Variants in LYPD6 observed in about 807,000 individuals in gnomAD.
The protein encoded by LYPD6 is LY6/PLAUR domain containing 6.
Under a neutral mutation model 22.7 loss-of-function variants are expected in LYPD6, and 15 were observed. The ratio of observed to expected loss-of-function variants is 0.66; its 90% CI spans 0.44 to 1.02. The LOEUF (loss-of-function observed/expected upper bound fraction) is 1.02, where lower values mean the gene tolerates loss of function less well. Ranked by LOEUF, LYPD6 falls within the 50% of genes least tolerant of loss-of-function variation. LYPD6 has a pLI of 0.00. For missense variants in LYPD6, 189 were observed against 208.4 expected (o/e 0.91, Z 0.57); for synonymous variants, 72 against 77.5 (o/e 0.93, Z 0.37).
chr2:149,485,513 C>A, the LYPD6 span, among the ~76,000 whole-genome samples: 1 of 152,172 alleles, frequency 6.6e-6, no homozygotes, highest in Non-Finnish European at 1.5e-5. Context: ...GCTTTCCTCT[C>A]TACCTGTGAG....
intron 1 of LYPD6, among the ~76,000 whole-genome samples, chr2:149,346,352 A>C (rs1681255678): frequency 1.3e-5 from 2 of 152,188 alleles, no homozygotes; most frequent in South Asian, 4.1e-4. Flanking sequence ...TTGGTTCTGT[A>C]CTGCAGCAGC....
chr2:149,396,903 A>G lies in LYPD6; in HGVS notation c.-71-40735A>G, dbSNP rs533086694. Among the ~76,000 whole-genome samples, 2 of 152,254 alleles carry G rather than the reference A, an allele frequency of 1.3e-5. 1 individual carries two copies. The highest frequency in any genetic ancestry group is 4.2e-4 in the South Asian group (2 of 4,818). On this transcript the variant is annotated intron_variant, in intron 1 of 4. Transcript: ENST00000334166. Reference sequence around the variant, plus strand: ...GTTCCAGGACACCCTCTGCCCTCCCATACCAAAATCCACAAGTGCTCAAGT... The same window carrying G: ...GTTCCAGGACACCCTCTGCCCTCCCGTACCAAAATCCACAAGTGCTCAAGT...
At chr2:149,428,408 G>A (rs1378288240) in intron 1 of LYPD6, among the ~76,000 whole-genome samples, 2 of 152,182 alleles carry the variant, frequency 1.3e-5, no homozygotes, top group African/African-American at 4.8e-5. Context: ...GTTGAACACA[G>A]TTGGGGCTTT....
intron 1 of LYPD6, among the ~76,000 whole-genome samples, chr2:149,406,152 A>T (rs1442558452): frequency 6.7e-6 from 1 of 149,536 alleles, no homozygotes; most frequent in Non-Finnish European, 1.5e-5. Context: ...CTTTACTTCC[A>T]AGTATGTGGT....
chr2:149,458,537 TA>T (rs943351724), intron 3 of LYPD6, among the ~76,000 whole-genome samples: 3 of 151,748 alleles, frequency 2.0e-5, no homozygotes, highest in African/African-American at 4.8e-5. Flanking sequence ...CAGGCTTCAA[TA>T]AAAAAAACCA....
At chr2:149,364,407 A>G (rs968702121) in intron 1 of LYPD6, among the ~76,000 whole-genome samples, 8 of 152,156 alleles carry the variant, frequency 5.3e-5, no homozygotes, top group Admixed American at 4.6e-4. Flanking sequence ...TTCATTGGCA[A>G]ATTCTCAACT....
chr2:149,343,136 G>C (rs748692168), intron 1 of LYPD6, among the ~76,000 whole-genome samples: 1 of 152,140 alleles, frequency 6.6e-6, no homozygotes, highest in Non-Finnish European at 1.5e-5. Context: ...TCTACAAGAC[G>C]TCTTGTAGAG....
intron 1 of LYPD6, among the ~76,000 whole-genome samples, chr2:149,400,256 T>G (rs1345453816): frequency 6.6e-6 from 1 of 152,230 alleles, no homozygotes; most frequent in African/African-American, 2.4e-5. Flanking sequence ...ACCCAGCTCT[T>G]ACCATTCTTA....
At chr2:149,390,892 A>G (rs1350370829) in intron 1 of LYPD6, among the ~76,000 whole-genome samples, 2 of 152,244 alleles carry the variant, frequency 1.3e-5, no homozygotes, top group Non-Finnish European at 2.9e-5. Context: ...TTGAGAACAT[A>G]TGCTGGATTG....
chr2:149,474,874 T>C (rs1287793074), downstream of LYPD6, among the ~76,000 whole-genome samples: 1 of 152,128 alleles, frequency 6.6e-6, no homozygotes, highest in Non-Finnish European at 1.5e-5. Flanking sequence ...ATGCAAGCAA[T>C]TCTCCTGCCT....
intron 1 of LYPD6, among the ~76,000 whole-genome samples, chr2:149,359,494 A>G (rs988971297): frequency 6.6e-6 from 1 of 152,246 alleles, no homozygotes; most frequent in African/African-American, 2.4e-5. Context: ...TATTAGACAC[A>G]TATAAACATT....
chr2:149,392,338 C>T (rs1188495696), intron 1 of LYPD6, among the ~76,000 whole-genome samples: 2 of 152,116 alleles, frequency 1.3e-5, no homozygotes, highest in Non-Finnish European at 2.9e-5. Flanking sequence ...GGAGGAAGAT[C>T]GCACTCCAGG....
At chr2:149,368,741 G>T (rs753279084) in intron 1 of LYPD6, among the ~76,000 whole-genome samples, 1 of 151,888 alleles carries the variant, frequency 6.6e-6, no homozygotes, top group Non-Finnish European at 1.5e-5. Context: ...AGGGAGAGGG[G>T]GTCTAAAATA....
chr2:149,465,063 C>T (rs1488737136), intron 3 of LYPD6, among the ~76,000 whole-genome samples: 2 of 152,276 alleles, frequency 1.3e-5, no homozygotes, highest in East Asian at 3.9e-4. Flanking sequence ...AGACTGAACA[C>T]ATGGCATGAG....
chr2:149,401,875 C>T (rs1193602668), intron 1 of LYPD6, among the ~76,000 whole-genome samples: 1 of 152,006 alleles, frequency 6.6e-6, no homozygotes, highest in Non-Finnish European at 1.5e-5. Flanking sequence ...CCACCCCTTC[C>T]CCCGAATCCC....
At chr2:149,427,763 C>T (rs1157342208) in intron 1 of LYPD6, among the ~76,000 whole-genome samples, 1 of 152,200 alleles carries the variant, frequency 6.6e-6, no homozygotes. Flanking sequence ...TATAAGTACA[C>T]TCTATGATGT....
intron 3 of LYPD6, among the ~76,000 whole-genome samples, chr2:149,464,963 G>T (rs918187032): frequency 6.6e-6 from 1 of 152,092 alleles, no homozygotes; most frequent in Non-Finnish European, 1.5e-5. Context: ...GAGATAATGC[G>T]TTGGGTTGAG....
intron 1 of LYPD6, among the ~76,000 whole-genome samples, chr2:149,331,459 C>A (rs564401904): frequency 3.3e-4 from 51 of 152,342 alleles, no homozygotes; most frequent in African/African-American, 1.2e-3. Context: ...ATCTCTACCG[C>A]TGCCCTCCTC....
chr2:149,443,126 A>G (rs1683605553), intron 2 of LYPD6, among the ~76,000 whole-genome samples: 1 of 152,244 alleles, frequency 6.6e-6, no homozygotes, highest in South Asian at 2.1e-4. Context: ...TATGTAAGAA[A>G]TAAGTGTTTA....
Sources: allele counts gnomAD v4.1 joint callset (sites outside exome capture counted in the v4.1 genomes callset), GRCh38; gene constraint gnomAD v4.1.1; transcripts MANE v1.5; gene names NCBI Gene and HGNC (gene_info 2026-07-23, HGNC 2026-07-21).